CLDN10: variants seen among roughly 807,000 people sequenced by gnomAD.
CLDN10 encodes claudin-10.
In CLDN10, 15 loss-of-function variants were observed where a neutral mutation model predicts 22.9. The ratio of observed to expected loss-of-function variants is 0.65; its 90% confidence interval spans 0.44 to 1.01. CLDN10 has a LOEUF of 1.01. Ranked by LOEUF, CLDN10 falls within the 50% of genes least tolerant of loss-of-function variation. The pLI, the probability that CLDN10 is intolerant of heterozygous loss-of-function variation, is 0.00. For missense variants in CLDN10, 247 were observed against 287.8 expected (o/e 0.86, Z 1.03); for synonymous variants, 114 against 111.4 (o/e 1.02, Z -0.15).
chr13:95,468,894 G>T (rs973729159), intron 1 of CLDN10, among the ~76,000 whole-genome samples: 3 of 151,882 alleles, frequency 2.0e-5, no homozygotes, highest in African/African-American at 4.8e-5. Flanking sequence ...TAGGATAGAA[G>T]GTTTTTATTT....
chr13:95,521,396 A>T (rs2043223111), intron 1 of CLDN10, among the ~76,000 whole-genome samples: 1 of 152,128 alleles, frequency 6.6e-6, no homozygotes, highest in Admixed American at 6.6e-5. Flanking sequence ...CATGAGTGGG[A>T]GTCAAATTTT....
intron 1 of CLDN10, among the ~76,000 whole-genome samples, chr13:95,528,946 G>T (rs917326486): frequency 1.3e-5 from 2 of 152,200 alleles, no homozygotes; most frequent in Non-Finnish European, 2.9e-5. Flanking sequence ...TCTACAGAGA[G>T]TTAGAAAAGG....
intron 1 of CLDN10, among the ~76,000 whole-genome samples, chr13:95,446,916 C>T (rs1162267221): frequency 1.3e-5 from 2 of 152,052 alleles, no homozygotes; most frequent in African/African-American, 4.8e-5. Context: ...CTGGAAGGGT[C>T]CTAAGAAGCC....
intron 1 of CLDN10, among the ~76,000 whole-genome samples, chr13:95,469,032 TATC>T (rs1455880034): frequency 1.3e-5 from 2 of 151,968 alleles, no homozygotes; most frequent in Non-Finnish European, 2.9e-5. Flanking sequence ...TATCAGAAAA[TATC>T]ATATCAGAGA....
intron 1 of CLDN10, chr13:95,528,603 T>C (rs976903805): frequency 2.6e-5 from 4 of 152,142 alleles, no homozygotes; most frequent in East Asian, 1.9e-4. Flanking sequence ...AAAAGATAAA[T>C]TCAAATAAGG....
intron 3 of CLDN10, among the ~76,000 whole-genome samples, chr13:95,563,081 G>T (rs1002313280): frequency 1.6e-5 from 2 of 121,386 alleles, no homozygotes; most frequent in Non-Finnish European, 3.7e-5. Flanking sequence ...TTCTCTTTCT[G>T]TCTCTGCCTA....
chr13:95,524,217 A>T (rs35859073), intron 1 of CLDN10, among the ~76,000 whole-genome samples: 13 of 149,798 alleles, frequency 8.7e-5, no homozygotes, highest in Admixed American at 2.7e-4. Flanking sequence ...TTCTTTATTT[A>T]GTTTGGAATT....
chr13:95,503,657 C>T (rs1474294444), intron 1 of CLDN10, among the ~76,000 whole-genome samples: 1 of 152,044 alleles, frequency 6.6e-6, no homozygotes, highest in African/African-American at 2.4e-5. Flanking sequence ...TATTATTCAG[C>T]CTTAAAAGGG....
chr13:95,482,712 C>T (rs2042762769), intron 1 of CLDN10, among the ~76,000 whole-genome samples: 1 of 152,152 alleles, frequency 6.6e-6, no homozygotes, highest in African/African-American at 2.4e-5. Context: ...CGCGGTGGCT[C>T]ACGCCTGTAA....
At chr13:95,464,018 T>G (rs1344795581) in intron 1 of CLDN10, among the ~76,000 whole-genome samples, 1 of 151,978 alleles carries the variant, frequency 6.6e-6, no homozygotes, top group African/African-American at 2.4e-5. Flanking sequence ...AACTTGGTAT[T>G]ATGAAGCTGT....
At chr13:95,554,375 T>C (rs529153194) in intron 1 of CLDN10, among the ~76,000 whole-genome samples, 1 of 151,708 alleles carries the variant, frequency 6.6e-6, no homozygotes, top group East Asian at 1.9e-4. Context: ...TACGCTTCCT[T>C]CTGTAGGACA....
chr13:95,560,800 C>T (rs1053300136), intron 3 of CLDN10: 4 of 210,344 alleles, frequency 1.9e-5, no homozygotes, highest in South Asian at 8.6e-5. Context: ...ATGCGGTGTG[C>T]GAATAGAAAA....
chr13:95,461,137 A>G (rs1226041035), intron 1 of CLDN10, among the ~76,000 whole-genome samples: 3 of 152,120 alleles, frequency 2.0e-5, no homozygotes, highest in South Asian at 2.1e-4. Context: ...TATTTTTTAG[A>G]GACACAGTCT....
At chr13:95,558,830 C>T (rs2043669859) in intron 1 of CLDN10, among the ~76,000 whole-genome samples, 1 of 152,100 alleles carries the variant, frequency 6.6e-6, no homozygotes, top group African/African-American at 2.4e-5. Flanking sequence ...AAGGCTAAGG[C>T]AGGAGGATCT....
At chr13:95,543,955 G>C (rs2043484136) in intron 1 of CLDN10, among the ~76,000 whole-genome samples, 1 of 152,060 alleles carries the variant, frequency 6.6e-6, no homozygotes, top group Non-Finnish European at 1.5e-5. Context: ...CTTCATGTAA[G>C]AAGATTATAC....
chr13:95,513,235 C>T (rs1171113383), intron 1 of CLDN10, among the ~76,000 whole-genome samples: 2 of 152,146 alleles, frequency 1.3e-5, no homozygotes, highest in Non-Finnish European at 2.9e-5. Flanking sequence ...TAGAATGGCC[C>T]TTAGAATCCA....
Position 95,460,782 on chromosome 13 carries a change from G to A in CLDN10, c.214+26735G>A, listed in dbSNP as rs187734991. Among the ~76,000 whole-genome samples, 45 of 152,186 alleles carry A rather than the reference G, an allele frequency of 3.0e-4. No homozygotes were observed. The South Asian group carries it at 5.8e-3, about 20-fold the overall frequency. On this transcript the variant is annotated intron_variant, in intron 1 of 4. Transcript: ENST00000376873. Reference sequence around the variant, plus strand: ...AGCCTCTCTCCTCTGGAGTAGCTGTGATTACAGGCACATACCACCGCACTC... The same window carrying A: ...AGCCTCTCTCCTCTGGAGTAGCTGTAATTACAGGCACATACCACCGCACTC...
intron 1 of CLDN10, among the ~76,000 whole-genome samples, chr13:95,500,782 C>A (rs958777502): frequency 6.6e-6 from 1 of 152,066 alleles, no homozygotes; most frequent in Non-Finnish European, 1.5e-5. Flanking sequence ...ATCCAGCTAA[C>A]CACCAGAAAC....
chr13:95,448,125 C>T (rs565164797), intron 1 of CLDN10, among the ~76,000 whole-genome samples: 47 of 152,256 alleles, frequency 3.1e-4, no homozygotes, highest in African/African-American at 9.6e-4. Flanking sequence ...CACATGCACA[C>T]GCATACACCA....
Sources: gnomAD v4.1 joint callset for allele counts (sites outside exome capture counted in the v4.1 genomes callset) on GRCh38, gnomAD v4.1.1 for gene constraint, MANE v1.5 for transcripts, NCBI Gene and HGNC (gene_info 2026-07-23, HGNC 2026-07-21) for gene names.